DGKH: variants seen among roughly 807,000 people sequenced by gnomAD.
The protein encoded by DGKH is diacylglycerol kinase eta, also known as DAG kinase eta.
DGKH carries 90 observed loss-of-function variants against 159.3 expected under a neutral mutation model. The ratio of observed to expected loss-of-function variants is 0.57; its 90% CI spans 0.48 to 0.67. The LOEUF (loss-of-function observed/expected upper bound fraction) is 0.67. DGKH is among the 30% of genes least tolerant of loss of function. The pLI, the probability that DGKH is intolerant of heterozygous loss-of-function variation, is 0.00. For missense variants in DGKH, 1,181 were observed against 1,506.1 expected (o/e 0.78, Z 3.57); for synonymous variants, 536 against 553.8 (o/e 0.97, Z 0.45).
At chr13:42,202,419 T>C (rs1330270808) in intron 20 of DGKH, among the ~76,000 whole-genome samples, 1 of 152,188 alleles carries the variant, frequency 6.6e-6, no homozygotes, top group African/African-American at 2.4e-5. Context: ...TACTCTTACC[T>C]TTTTCCTCAG....
intron 13 of DGKH, among the ~76,000 whole-genome samples, chr13:42,180,330 C>T (rs1407294210): frequency 2.0e-5 from 3 of 152,006 alleles, no homozygotes; most frequent in African/African-American, 4.8e-5. Context: ...GCCCACCAAA[C>T]AAAGAGAGTG....
At chr13:42,223,487 C>T (rs1958038746) in intron 29 of DGKH, among the ~76,000 whole-genome samples, 1 of 152,032 alleles carries the variant, frequency 6.6e-6, no homozygotes, top group Admixed American at 6.6e-5. Flanking sequence ...TACAGCTGGG[C>T]ACGGTGGCTC....
chr13:42,253,587 G>A (rs900181952), intron 30 of DGKH, among the ~76,000 whole-genome samples: 3 of 152,150 alleles, frequency 2.0e-5, no homozygotes, highest in East Asian at 1.9e-4. Flanking sequence ...TTAGCTTAGC[G>A]GGGAGATTTC....
At chr13:42,051,646 C>CTT (rs56413015) in intron 1 of DGKH, among the ~76,000 whole-genome samples, 10 of 50,186 alleles carry the variant, frequency 2.0e-4, no homozygotes, top group South Asian at 1.4e-3. Flanking sequence ...TCAAAGCCAT[C>CTT]TTTTTTTTTT....
chr13:42,255,991 T>C (rs1244163931), intron 30 of DGKH: 3 of 1,602,024 alleles, frequency 1.9e-6, no homozygotes, highest in Non-Finnish European at 2.6e-6. Flanking sequence ...CCATGAACAC[T>C]ACTGCCTGTA....
At position 42,084,586 on chromosome 13, in the gene DGKH, G is replaced by A. The variant is rs190800179; in HGVS notation, c.192+35621G>A. 3.1e-3 allele frequency among the ~76,000 whole-genome samples: 473 copies of A among 151,992 alleles called. 3 individuals are homozygous for A. The highest frequency in any genetic ancestry group is 0.011 in the African/African-American group (446 of 41,474). ...AGTTATATGTATTACAATGTATTGC[G>A]TATTTTTAAACAAATGTTAAAATAA... On this transcript the variant is annotated intron_variant, in intron 1 of 29. Transcript: ENST00000337343.
chr13:42,172,715 C>A (rs1237389692), intron 11 of DGKH, among the ~76,000 whole-genome samples: 4 of 152,172 alleles, frequency 2.6e-5, no homozygotes, highest in Non-Finnish European at 5.9e-5. Context: ...CTGTTGTCAT[C>A]GAGGCTGGAG....
intron 1 of DGKH, among the ~76,000 whole-genome samples, chr13:42,110,326 C>T (rs1219402979): frequency 2.6e-5 from 4 of 152,070 alleles, no homozygotes; most frequent in South Asian, 2.1e-4. Context: ...ACATTGTAAG[C>T]GCAGCAGTCC....
chr13:42,112,284 CTT>C (rs58307947), intron 1 of DGKH, among the ~76,000 whole-genome samples: 13 of 122,778 alleles, frequency 1.1e-4, no homozygotes, highest in African/African-American at 2.3e-4. Context: ...AGCCTTGTGG[CTT>C]TTTTTTTTTT....
At chr13:42,249,580 A>G (rs1340287690) in intron 29 of DGKH, among the ~76,000 whole-genome samples, 2 of 152,222 alleles carry the variant, frequency 1.3e-5, no homozygotes, top group African/African-American at 4.8e-5. Context: ...TGTCAGGACT[A>G]TTCTACTCTG....
At chr13:42,070,007 A>T in intron 1 of DGKH, 1 of 837,358 alleles carries the variant, frequency 1.2e-6, no homozygotes, top group Non-Finnish European at 2.1e-6. Flanking sequence ...TGCTCTGAAA[A>T]CTGACAGTCA....
At chr13:42,219,428 T>C in intron 27 of DGKH, 79 bp downstream of exon 27, 2 of 1,543,134 alleles carry the variant, frequency 1.3e-6, no homozygotes, top group Middle Eastern at 1.8e-4. Flanking sequence ...GAAAAAGAGA[T>C]ATTTAGGGAA....
chr13:42,199,762 G>A (rs1957300944), intron 19 of DGKH, 51 bp from the exon 20 acceptor site: 9 of 1,575,918 alleles, frequency 5.7e-6, no homozygotes, highest in Non-Finnish European at 7.8e-6. Flanking sequence ...CTGCCTTTAA[G>A]GAGTAAATAA....
chr13:42,207,129 CCTTCCTTCCT>C (rs1957520409), intron 21 of DGKH, among the ~76,000 whole-genome samples: 3 of 28,516 alleles, frequency 1.1e-4, no homozygotes, highest in African/African-American at 2.6e-4. Context: ...CTCTCTCCTT[CCTTCCTTCCT>C]TCCTTCCTTC....
intron 1 of DGKH, among the ~76,000 whole-genome samples, chr13:42,059,912 T>C (rs1438672180): frequency 3.3e-5 from 5 of 150,482 alleles, no homozygotes; most frequent in African/African-American, 7.3e-5. Flanking sequence ...TTTCTTTTTT[T>C]TTTTTTTTAT....
chr13:42,169,507 G>T (rs1409083575), intron 11 of DGKH, among the ~76,000 whole-genome samples: 1 of 152,166 alleles, frequency 6.6e-6, no homozygotes, highest in Non-Finnish European at 1.5e-5. Context: ...AGGAACAACA[G>T]GACTCAGTAA....
chr13:42,165,763 A>G (rs937883932), intron 8 of DGKH, among the ~76,000 whole-genome samples: 3 of 152,072 alleles, frequency 2.0e-5, no homozygotes, highest in African/African-American at 7.2e-5. Flanking sequence ...CTATAATTGA[A>G]ACTGCCTATT....
In DGKH at chr13:42,232,165, G is replaced by C. The variant is rs1035136502; in HGVS notation, c.*2977G>C. ...GATCACAGCTTTGGGGAGTGGGATG[G>C]GGCCTCTATGCTTTGATCTATGCAT... is the stretch of plus-strand genomic sequence containing the variant. On this transcript the variant is annotated 3_prime_UTR_variant, in exon 30 of 30. Transcript: ENST00000337343. 1 of 152,158 alleles carries C rather than the reference G, an allele frequency of 6.6e-6. No homozygotes were observed. The highest frequency in any genetic ancestry group is 2.4e-5 in the African/African-American group (1 of 41,406). 9.4% of individuals were successfully genotyped at this position (152,158 alleles called of 1,614,324 possible).
intron 1 of DGKH, among the ~76,000 whole-genome samples, chr13:42,099,513 G>C (rs917309221): frequency 6.6e-6 from 1 of 152,138 alleles, no homozygotes; most frequent in Admixed American, 6.5e-5. Flanking sequence ...GAGAGAGCAG[G>C]GGGTATTTGG....
Sources: gnomAD v4.1 joint callset for allele counts (sites outside exome capture counted in the v4.1 genomes callset) on GRCh38, gnomAD v4.1.1 for gene constraint, MANE v1.5 for transcripts, NCBI Gene and HGNC (gene_info 2026-07-23, HGNC 2026-07-21) for gene names.